The following KHDRBS2 variants were observed in gnomAD, a reference collection of about 807,000 sequenced individuals.
KHDRBS2 encodes KH RNA binding domain containing, signal transduction associated 2.
A neutral mutation model predicts 44.3 loss-of-function variants in KHDRBS2; 26 were observed. The ratio of observed to expected loss-of-function variants is 0.59; its 90% confidence interval spans 0.43 to 0.81. KHDRBS2 has a LOEUF of 0.81. KHDRBS2 is among the 40% of genes least tolerant of loss of function. KHDRBS2 has a pLI of 0.00. For missense variants in KHDRBS2, 476 were observed against 433.1 expected, an observed-to-expected ratio of 1.10 and a Z score of -0.88; for synonymous variants, 194 against 151.1, an observed-to-expected ratio of 1.28 and a Z score of -2.08.
chr6:62,139,584 T>G (rs1240803450), intron 2 of KHDRBS2, among the ~76,000 whole-genome samples: 1 of 151,804 alleles, frequency 6.6e-6, no homozygotes, highest in African/African-American at 2.4e-5. Flanking sequence ...TTATATGTAA[T>G]GACAAATTTG....
At chr6:61,971,940 C>T (rs147261461) in intron 4 of KHDRBS2, among the ~76,000 whole-genome samples, 19 of 152,256 alleles carry the variant, frequency 1.2e-4, no homozygotes, top group Non-Finnish European at 2.2e-4. Flanking sequence ...ATGTACCATA[C>T]ATTGCTAGAA....
At chr6:61,543,747 C>T in the KHDRBS2 span, among the ~76,000 whole-genome samples, 9 of 152,068 alleles carry the variant, frequency 5.9e-5, no homozygotes, top group African/African-American at 1.9e-4. Context: ...GGTACATATA[C>T]ACAATGGAGT....
intron 6 of KHDRBS2, among the ~76,000 whole-genome samples, chr6:61,809,203 T>C (rs563318521): frequency 2.0e-5 from 3 of 152,236 alleles, no homozygotes; most frequent in African/African-American, 7.2e-5. Context: ...AGTTCCTTCC[T>C]GTAGATGGCA....
intron 7 of KHDRBS2, among the ~76,000 whole-genome samples, chr6:61,725,001 C>T (rs1176869706): frequency 6.6e-6 from 1 of 152,044 alleles, no homozygotes; most frequent in African/African-American, 2.4e-5. Flanking sequence ...AAAACAAGAG[C>T]ATATACATTC....
the KHDRBS2 span, among the ~76,000 whole-genome samples, chr6:61,563,902 A>G: frequency 6.6e-6 from 1 of 152,098 alleles, no homozygotes; most frequent in Non-Finnish European, 1.5e-5. Context: ...TCTCCATTAT[A>G]CAAGTTAAAG....
intron 4 of KHDRBS2, among the ~76,000 whole-genome samples, chr6:61,954,836 G>GCGTATA (rs1765952531): frequency 3.3e-5 from 1 of 30,064 alleles, no homozygotes; most frequent in African/African-American, 1.2e-4. Flanking sequence ...ACATGCATAT[G>GCGTATA]TATGTATACA....
the KHDRBS2 span, among the ~76,000 whole-genome samples, chr6:61,631,271 C>G: frequency 8.8e-6 from 1 of 113,200 alleles, no homozygotes; most frequent in Admixed American, 1.3e-4. Flanking sequence ...CCTAAGGAAA[C>G]TTATATCTTT....
rs564574997 is a variant in KHDRBS2 at position 62,173,996 on chromosome 6, G to GTGCTTCACTTC, written c.219+3188_219+3189insGAAGTGAAGCA. Among the ~76,000 whole-genome samples the GTGCTTCACTTC allele has an allele frequency of 4.0e-3, 611 of 151,844 alleles. 6 individuals are homozygous for GTGCTTCACTTC. Among genetic ancestry groups the GTGCTTCACTTC allele is most frequent in the African/African-American group, 0.012 (513 of 41,444 alleles). On this transcript the variant is annotated intron_variant, in intron 2 of 8. Coordinates refer to ENST00000281156, the MANE Select transcript of KHDRBS2 (RefSeq NM_152688.4). ...CTGGAAGCACTCACCTTCAAAACCA[G>GTGCTTCACTTC]AACAGACAGTGACACCCTCTCTCAC...
chr6:61,973,627 T>C (rs1416779661), intron 4 of KHDRBS2, among the ~76,000 whole-genome samples: 1 of 152,162 alleles, frequency 6.6e-6, no homozygotes, highest in Non-Finnish European at 1.5e-5. Context: ...ATATTTTTTC[T>C]CTCTTAAATT....
intron 2 of KHDRBS2, among the ~76,000 whole-genome samples, chr6:62,097,106 T>C (rs1248540264): frequency 6.6e-6 from 1 of 151,844 alleles, no homozygotes; most frequent in Non-Finnish European, 1.5e-5. Context: ...GATATAATTT[T>C]GTTTTTTTTT....
intron 3 of KHDRBS2, among the ~76,000 whole-genome samples, chr6:62,025,139 T>C (rs1037097836): frequency 1.3e-5 from 2 of 151,792 alleles, no homozygotes; most frequent in African/African-American, 2.4e-5. Context: ...CAAATTAGTA[T>C]ACTTAATGAA....
intron 2 of KHDRBS2, among the ~76,000 whole-genome samples, chr6:62,061,839 A>G (rs1353376717): frequency 3.4e-5 from 5 of 148,568 alleles, no homozygotes; most frequent in Non-Finnish European, 6.0e-5. Flanking sequence ...GTCTTTTCAC[A>G]TAGTCCCATA....
intron 1 of KHDRBS2, among the ~76,000 whole-genome samples, chr6:62,235,928 A>T (rs1833632444): frequency 6.6e-6 from 1 of 152,092 alleles, no homozygotes; most frequent in Admixed American, 6.6e-5. Context: ...GGTAAATCAC[A>T]TTATTTGCCT....
intron 1 of KHDRBS2, among the ~76,000 whole-genome samples, chr6:62,224,947 T>G (rs1184037891): frequency 2.6e-5 from 4 of 152,188 alleles, no homozygotes; most frequent in Admixed American, 1.3e-4. Context: ...ATCCCCAAGT[T>G]GGGCTAGTCT....
intron 6 of KHDRBS2, among the ~76,000 whole-genome samples, chr6:61,894,140 A>G (rs1269355055): frequency 2.0e-5 from 3 of 152,098 alleles, no homozygotes; most frequent in Admixed American, 2.0e-4. Flanking sequence ...TATTCATTGT[A>G]TATTTTTTTG....
At chr6:61,564,116 T>C in the KHDRBS2 span, among the ~76,000 whole-genome samples, 1 of 152,106 alleles carries the variant, frequency 6.6e-6, no homozygotes, top group Non-Finnish European at 1.5e-5. Context: ...GCCTCAGCCA[T>C]GCAGAAAACA....
At chr6:61,735,221 C>A (rs1333200503) in intron 6 of KHDRBS2, among the ~76,000 whole-genome samples, 2 of 152,026 alleles carry the variant, frequency 1.3e-5, no homozygotes, top group Non-Finnish European at 2.9e-5. Context: ...CACCTAGATT[C>A]AACAATTATT....
chr6:62,058,851 G>T (rs1790929514), intron 2 of KHDRBS2, among the ~76,000 whole-genome samples: 2 of 151,790 alleles, frequency 1.3e-5, no homozygotes, highest in Middle Eastern at 3.4e-3. Context: ...GAATGATTTA[G>T]AATTAACCAT....
At chr6:61,869,273 A>T (rs979158965) in intron 6 of KHDRBS2, among the ~76,000 whole-genome samples, 1 of 152,150 alleles carries the variant, frequency 6.6e-6, no homozygotes, top group African/African-American at 2.4e-5. Context: ...CTGCTTCTTC[A>T]CACAATTTTC....
Sources: gnomAD v4.1 joint callset for allele counts (sites outside exome capture counted in the v4.1 genomes callset) on GRCh38, gnomAD v4.1.1 for gene constraint, MANE v1.5 for transcripts, NCBI Gene and HGNC (gene_info 2026-07-23, HGNC 2026-07-21) for gene names.